The following CCDC192 variants were observed in gnomAD, a reference collection of about 807,000 sequenced individuals.
CCDC192 encodes the protein coiled-coil domain containing 192, also known as coiled-coil domain-containing protein 192.
intron 2 of CCDC192, among the ~76,000 whole-genome samples, chr5:127,727,252 C>A (rs548528279): frequency 6.6e-6 from 1 of 152,234 alleles, no homozygotes; most frequent in South Asian, 2.1e-4. Context: ...GGCAGACGAT[C>A]TTCTGAGGTC....
intron 5 of CCDC192, among the ~76,000 whole-genome samples, chr5:127,825,380 C>T (rs1749481396): frequency 6.6e-6 from 1 of 152,180 alleles, no homozygotes; most frequent in African/African-American, 2.4e-5. Context: ...TGGTGACTTT[C>T]AGGTCAGCAG....
intron 6 of CCDC192, among the ~76,000 whole-genome samples, chr5:127,907,242 A>G (rs2127172782): frequency 6.6e-6 from 1 of 152,318 alleles, no homozygotes; most frequent in African/African-American, 2.4e-5. Context: ...CAGAGACTAA[A>G]CAAATAAATA....
intron 2 of CCDC192, among the ~76,000 whole-genome samples, chr5:127,718,344 TG>T (rs1196461159): frequency 6.6e-6 from 1 of 152,224 alleles, no homozygotes; most frequent in African/African-American, 2.4e-5. Flanking sequence ...GCACCAGTGG[TG>T]CAAAGAACCT....
At chr5:127,816,425 A>T (rs1459413102) in intron 5 of CCDC192, among the ~76,000 whole-genome samples, 1 of 152,190 alleles carries the variant, frequency 6.6e-6, no homozygotes, top group Admixed American at 6.5e-5. Flanking sequence ...GATATCAGTC[A>T]TGTTCTTGTT....
intron 2 of CCDC192, among the ~76,000 whole-genome samples, chr5:127,743,470 C>T (rs1452264896): frequency 1.3e-5 from 2 of 152,158 alleles, no homozygotes; most frequent in Non-Finnish European, 2.9e-5. Context: ...GAGACGCAGA[C>T]AAATGAAGTA....
intron 6 of CCDC192, among the ~76,000 whole-genome samples, chr5:127,885,743 C>T (rs1216399775): frequency 2.0e-5 from 3 of 152,080 alleles, no homozygotes; most frequent in Non-Finnish European, 4.4e-5. Context: ...TATGAAGGCA[C>T]AGCATTTATT....
intron 2 of CCDC192, among the ~76,000 whole-genome samples, chr5:127,709,300 A>G (rs951229553): frequency 2.6e-5 from 4 of 151,914 alleles, no homozygotes; most frequent in Admixed American, 1.3e-4. Context: ...ACTCACCATC[A>G]TGAGAACAGC....
chr5:127,939,887 C>T (rs1038650235), intron 6 of CCDC192, among the ~76,000 whole-genome samples: 6 of 152,168 alleles, frequency 3.9e-5, no homozygotes, highest in Non-Finnish European at 7.3e-5. Context: ...GTGGAGACCA[C>T]GCATCAGGTT....
intron 3 of CCDC192, among the ~76,000 whole-genome samples, chr5:127,782,506 T>C (rs1756288053): frequency 6.6e-6 from 1 of 152,100 alleles, no homozygotes; most frequent in Admixed American, 6.5e-5. Flanking sequence ...TTGTTATTGG[T>C]CTGTTTAGGG....
At chr5:127,769,752 G>C (rs562641126) in intron 3 of CCDC192, among the ~76,000 whole-genome samples, 16 of 152,284 alleles carry the variant, frequency 1.1e-4, no homozygotes, top group African/African-American at 3.9e-4. Flanking sequence ...CCAGAAAATT[G>C]TATATGGCAT....
chr5:127,763,684 A>G (rs939394929), intron 3 of CCDC192, among the ~76,000 whole-genome samples: 2 of 152,106 alleles, frequency 1.3e-5, no homozygotes, highest in African/African-American at 2.4e-5. Context: ...CTCCCTGTAT[A>G]CCACTATTAC....
chr5:127,927,589 G>A (rs1482428844), intron 6 of CCDC192, among the ~76,000 whole-genome samples: 1 of 152,182 alleles, frequency 6.6e-6, no homozygotes, highest in African/African-American at 2.4e-5. Flanking sequence ...TATTTAAAAT[G>A]GTAGCAATTA....
chr5:127,848,877 A>C (rs192030578), intron 5 of CCDC192, among the ~76,000 whole-genome samples: 1 of 152,224 alleles, frequency 6.6e-6, no homozygotes, highest in Non-Finnish European at 1.5e-5. Context: ...GATAAACTAT[A>C]TAAAAGGAGC....
At chr5:127,917,670 T>C (rs1236678949) in intron 6 of CCDC192, among the ~76,000 whole-genome samples, 1 of 152,162 alleles carries the variant, frequency 6.6e-6, no homozygotes, top group African/African-American at 2.4e-5. Flanking sequence ...ATAGATTAAG[T>C]TTCCTGTCTT....
At chr5:127,889,529 G>C (rs925084138) in intron 6 of CCDC192, among the ~76,000 whole-genome samples, 3 of 151,882 alleles carry the variant, frequency 2.0e-5, no homozygotes, top group Admixed American at 1.3e-4. Context: ...AGCCTCCCCA[G>C]TAGCTGGGCT....
chr5:127,825,351 T>C (rs986897397), intron 5 of CCDC192, among the ~76,000 whole-genome samples: 16 of 152,182 alleles, frequency 1.1e-4, no homozygotes, highest in Admixed American at 5.2e-4. Flanking sequence ...AGTAGAAATA[T>C]CTCCTCATCA....
intron 5 of CCDC192, among the ~76,000 whole-genome samples, chr5:127,843,162 G>A (rs1750369381): frequency 1.3e-5 from 2 of 149,020 alleles, no homozygotes; most frequent in Admixed American, 1.4e-4. Context: ...AGCCTCCCGA[G>A]TAGCTGGGAT....
chr5:127,873,346 C>T (rs1751937404), intron 5 of CCDC192, among the ~76,000 whole-genome samples: 1 of 152,002 alleles, frequency 6.6e-6, no homozygotes, highest in South Asian at 2.1e-4. Context: ...TTCTTTCTCC[C>T]CCTAATATCT....
intron 3 of CCDC192, among the ~76,000 whole-genome samples, 179 bp downstream of exon 3, chr5:127,754,554 A>G (rs746002155): frequency 1.1e-4 from 16 of 150,294 alleles, no homozygotes; most frequent in Non-Finnish European, 2.4e-4. Context: ...ACAGCATTCC[A>G]TTCATTTTAG....
Sources: gnomAD v4.1 joint callset for allele counts (sites outside exome capture counted in the v4.1 genomes callset) on GRCh38, gnomAD v4.1.1 for gene constraint, MANE v1.5 for transcripts, NCBI Gene and HGNC (gene_info 2026-07-23, HGNC 2026-07-21) for gene names.